DLG2: variants seen among roughly 807,000 people sequenced by gnomAD.
DLG2 encodes the protein discs large MAGUK scaffold protein 2, also known as disks large homolog 2.
Under a neutral mutation model 132.5 loss-of-function variants are expected in DLG2, and 45 were observed. The ratio of observed to expected loss-of-function variants is 0.34; its 90% CI spans 0.27 to 0.44. The LOEUF (loss-of-function observed/expected upper bound fraction) is 0.44, where lower values mean the gene tolerates loss of function less well. Ranked by LOEUF, DLG2 falls within the 20% of genes least tolerant of loss-of-function variation. The pLI, the probability that DLG2 is intolerant of heterozygous loss-of-function variation, is 1.00. For synonymous variants in DLG2, 424 were observed against 419.6 expected (o/e 1.01, Z -0.13); for missense variants, 1,045 against 1,196.9 (o/e 0.87, Z 1.87).
At chr11:84,628,541 T>A (rs2099626600) in intron 6 of DLG2, among the ~76,000 whole-genome samples, 1 of 152,228 alleles carries the variant, frequency 6.6e-6, no homozygotes, top group Non-Finnish European at 1.5e-5. Flanking sequence ...ACTACATAGT[T>A]TCCTGAATTT....
At chr11:85,266,617 A>G (rs1462999222) in intron 4 of DLG2, among the ~76,000 whole-genome samples, 1 of 152,244 alleles carries the variant, frequency 6.6e-6, no homozygotes, top group Non-Finnish European at 1.5e-5. Context: ...ATTTAAAAAA[A>G]AAGAAAGAAA....
At chr11:84,973,616 A>T (rs1197069574) in intron 6 of DLG2, among the ~76,000 whole-genome samples, 1 of 152,198 alleles carries the variant, frequency 6.6e-6, no homozygotes, top group African/African-American at 2.4e-5. Context: ...TTTGAGGAAA[A>T]TGTCTTATAC....
chr11:83,778,694 T>C (rs900316635), intron 18 of DLG2, among the ~76,000 whole-genome samples: 2 of 152,154 alleles, frequency 1.3e-5, no homozygotes, highest in African/African-American at 4.8e-5. Context: ...TGATACCTGC[T>C]TTTGTCCTTA....
At chr11:85,406,269 G>C (rs1291823170) in intron 3 of DLG2, among the ~76,000 whole-genome samples, 6 of 134,412 alleles carry the variant, frequency 4.5e-5, no homozygotes, top group African/African-American at 1.4e-4. Context: ...GACAGCAGGA[G>C]AAAAAAAAAA....
At chr11:84,035,419 A>G (rs1040155637) in intron 11 of DLG2, among the ~76,000 whole-genome samples, 1 of 152,240 alleles carries the variant, frequency 6.6e-6, no homozygotes, top group African/African-American at 2.4e-5. Flanking sequence ...GAGGAAAAAT[A>G]AAGCCCTTAA....
At chr11:84,777,098 G>C (rs368642471) in intron 6 of DLG2, among the ~76,000 whole-genome samples, 1 of 151,270 alleles carries the variant, frequency 6.6e-6, no homozygotes, top group Admixed American at 6.6e-5. Flanking sequence ...CTGTATGTCC[G>C]TATGTACACT....
chr11:84,768,772 T>C (rs2068802731), intron 6 of DLG2, among the ~76,000 whole-genome samples: 1 of 152,078 alleles, frequency 6.6e-6, no homozygotes, highest in South Asian at 2.1e-4. Context: ...TCTCACCAGA[T>C]TCCTGGGAGA....
At chr11:85,311,073 A>G (rs537599425) in intron 3 of DLG2, among the ~76,000 whole-genome samples, 94 of 152,322 alleles carry the variant, frequency 6.2e-4, no homozygotes, top group Non-Finnish European at 1.2e-3. Flanking sequence ...TGATTTTTAC[A>G]TTTCTCAAAT....
chr11:83,568,307 T>A (rs923791608), intron 19 of DLG2, among the ~76,000 whole-genome samples: 1 of 152,080 alleles, frequency 6.6e-6, no homozygotes, highest in Non-Finnish European at 1.5e-5. Context: ...GCTAAGGTAA[T>A]GGATGGAAAG....
chr11:85,515,888 A>C (rs749990562), intron 3 of DLG2, among the ~76,000 whole-genome samples: 5 of 152,058 alleles, frequency 3.3e-5, no homozygotes, highest in Non-Finnish European at 7.4e-5. Context: ...ATATAGTTCA[A>C]GTCTAACAGA....
chr11:85,293,046 A>C (rs958879745), intron 3 of DLG2, among the ~76,000 whole-genome samples: 1 of 152,146 alleles, frequency 6.6e-6, no homozygotes, highest in Non-Finnish European at 1.5e-5. Context: ...TAGTCATGGG[A>C]TATAACCTTT....
chr11:84,536,457 A>T (rs1353193846), intron 6 of DLG2, among the ~76,000 whole-genome samples: 1 of 152,242 alleles, frequency 6.6e-6, no homozygotes, highest in East Asian at 1.9e-4. Context: ...TGAGGTTAGA[A>T]CATTTCTGTG....
intron 18 of DLG2, among the ~76,000 whole-genome samples, chr11:83,674,386 A>G (rs1194103217): frequency 6.6e-6 from 1 of 152,202 alleles, no homozygotes; most frequent in Non-Finnish European, 1.5e-5. Flanking sequence ...ACTTACTGAT[A>G]AGGTAAGAAA....
intron 3 of DLG2, among the ~76,000 whole-genome samples, chr11:85,437,311 TAAAAAAAAAAAC>T (rs1178965367): frequency 7.9e-6 from 1 of 127,280 alleles, no homozygotes; most frequent in Non-Finnish European, 1.7e-5. Flanking sequence ...GAACTTAAAG[TAAAAAAAAAAAC>T]AAAAAAAAAG....
intron 3 of DLG2, among the ~76,000 whole-genome samples, chr11:85,592,821 C>G (rs970994579): frequency 6.6e-6 from 1 of 151,846 alleles, no homozygotes; most frequent in Non-Finnish European, 1.5e-5. Context: ...GGCATGACTG[C>G]GCATACCAGT....
intron 12 of DLG2, among the ~76,000 whole-genome samples, chr11:83,966,834 C>G (rs1309800926): frequency 6.6e-6 from 1 of 151,948 alleles, no homozygotes; most frequent in African/African-American, 2.4e-5. Flanking sequence ...CACATTAGAC[C>G]TCTAGACTTG....
intron 15 of DLG2, among the ~76,000 whole-genome samples, chr11:83,908,640 G>C (rs145559592): frequency 1.9e-3 from 296 of 152,216 alleles, no homozygotes; most frequent in African/African-American, 6.7e-3. Context: ...TCCTAGCAGA[G>C]TAAACACTAT....
chr11:85,170,418 T>C (rs1254330041), intron 4 of DLG2, among the ~76,000 whole-genome samples: 1 of 152,204 alleles, frequency 6.6e-6, no homozygotes, highest in Admixed American at 6.5e-5. Flanking sequence ...AGAGGAATTC[T>C]AGTTTCTATG....
At chr11:84,372,404 C>T (rs1439386358) in intron 7 of DLG2, among the ~76,000 whole-genome samples, 1 of 152,094 alleles carries the variant, frequency 6.6e-6, no homozygotes, top group African/African-American at 2.4e-5. Context: ...TGATGATTTG[C>T]CATCACACGA....
Sources: gnomAD v4.1 joint callset for allele counts (sites outside exome capture counted in the v4.1 genomes callset) on GRCh38, gnomAD v4.1.1 for gene constraint, MANE v1.5 for transcripts, NCBI Gene and HGNC (gene_info 2026-07-23, HGNC 2026-07-21) for gene names.